Variants in ANKS6 observed in about 807,000 individuals in gnomAD.
The protein encoded by ANKS6 is ankyrin repeat and SAM domain-containing protein 6.
ANKS6 carries 47 observed loss-of-function variants against 77.9 expected under a neutral mutation model. The observed-to-expected ratio is 0.60, with a 90% CI of 0.48 to 0.77. ANKS6 has a LOEUF of 0.77. Ranked by LOEUF, ANKS6 falls within the 30% of genes least tolerant of loss-of-function variation. ANKS6 has a pLI of 0.00. For synonymous variants in ANKS6, 488 were observed against 501.7 expected, an observed-to-expected ratio of 0.97 and a Z score of 0.37; for missense variants, 1,150 against 1,159.1, an observed-to-expected ratio of 0.99 and a Z score of 0.11.
chr9:98,759,971 G>A (rs954765019), intron 11 of ANKS6, among the ~76,000 whole-genome samples: 2 of 152,098 alleles, frequency 1.3e-5, no homozygotes, highest in Non-Finnish European at 2.9e-5. Context: ...AAGCTAGAAG[G>A]AGGATATTGA....
At chr9:98,775,151 G>A (rs1052893165) in intron 8 of ANKS6, among the ~76,000 whole-genome samples, 46 of 152,252 alleles carry the variant, frequency 3.0e-4, no homozygotes, top group African/African-American at 1.0e-3. Context: ...GAAACTCACA[G>A]CGACAAATCC....
rs766629269 is a variant in ANKS6 at position 98,784,047 on chromosome 9, C to G, written c.1018G>C (p.Ala340Pro). ...CTCTCCACCAGCAGCTGCACCAGAG[C>G]CAGCTGCCCCGTAACAGCTGCTAGC... ...LMLAAVTGQL[A>P]LVQLLVERHA... Residue 340 changes from alanine to proline, a missense_variant, in exon 4 of 15, where the codon GCT becomes CCT. Ala to Pro is a conservative substitution (Grantham distance 27). Transcript: ENST00000353234. 6.2e-7 allele frequency: 1 copy of G among 1,611,346 alleles called. No individual in the cohort carries two copies. The highest frequency in any genetic ancestry group is 8.5e-7 in the Non-Finnish European group (1 of 1,179,058).
At chr9:98,765,740 T>C (rs562589284) in intron 11 of ANKS6, among the ~76,000 whole-genome samples, 2 of 152,348 alleles carry the variant, frequency 1.3e-5, no homozygotes, top group Admixed American at 6.5e-5. Flanking sequence ...ACGCCACCTA[T>C]GCTGTGTCTC....
chr9:98,766,837 G>A (rs1270204326), intron 11 of ANKS6, among the ~76,000 whole-genome samples: 2 of 152,226 alleles, frequency 1.3e-5, no homozygotes, highest in African/African-American at 4.8e-5. Flanking sequence ...GGTGGGCAAA[G>A]GTCCATGGAT....
Position 98,796,195 on chromosome 9 carries a change from G to T in ANKS6, c.297C>A (p.Arg99=). 7.0e-7 allele frequency: 1 copy of T among 1,418,974 alleles called. No individual in the cohort carries two copies. Among genetic ancestry groups the T allele is most frequent in the Non-Finnish European group, 9.2e-7 (1 of 1,086,066 alleles). The allele number at this position is 1,418,974 out of a possible 1,614,324, so 87.9% of individuals were successfully genotyped here. ...TGCGGCTGTTGACCGAGGCACCGCG[G>T]CGCAGCAGGAAGCGCACCAGCGGTT... ...GHEPLVRFLL[R]RGASVNSRNH... is the part of the protein sequence containing the mutation. Residue 99 remains arginine (R), a synonymous_variant, in exon 1 of 15, where the codon CGC becomes CGA. Transcript: ENST00000353234.
chr9:98,777,366 C>T (rs762318573), intron 8 of ANKS6, 39 bp downstream of exon 8: 10 of 1,601,230 alleles, frequency 6.2e-6, no homozygotes, highest in African/African-American at 1.3e-5. Context: ...TGATGATTGC[C>T]GGAGACCTAA....
intron 1 of ANKS6, 68 bp downstream of exon 1, chr9:98,796,065 G>A: frequency 1.6e-6 from 2 of 1,253,742 alleles, no homozygotes; most frequent in South Asian, 5.7e-5. Context: ...TCCGGCCGCC[G>A]GGGACCGCGT....
intron 2 of ANKS6, among the ~76,000 whole-genome samples, chr9:98,785,729 GTGACTCTGGGC>G (rs976330733): frequency 5.3e-5 from 8 of 152,158 alleles, no homozygotes; most frequent in African/African-American, 1.9e-4. Flanking sequence ...GAGGGCACTT[GTGACTCTGGGC>G]TGACTCTGGT....
chr9:98,732,914 C>G lies in ANKS6; in HGVS notation c.*3605G>C, dbSNP rs149684772. Reference sequence around the variant, plus strand: ...ACATTACGTGCTGCCTTTGCACATGCCCCAGCTGGAATGCCCTTTTTCTTT... The same window carrying G: ...ACATTACGTGCTGCCTTTGCACATGGCCCAGCTGGAATGCCCTTTTTCTTT... On this transcript the variant is annotated 3_prime_UTR_variant, in exon 15 of 15. Transcript: ENST00000353234. 9.4e-3 allele frequency: 10,069 copies of G among 1,074,138 alleles called. 55 individuals are homozygous for G. The highest frequency in any genetic ancestry group is 0.01 in the Non-Finnish European group (9,239 of 884,942). 66.5% of individuals were successfully genotyped at this position (1,074,138 alleles called of 1,614,324 possible). A position where few individuals can be genotyped will look rare whatever the true frequency, so the allele number is the denominator to read the frequency against.
rs1355373583 is a variant in ANKS6, at chr9:98,796,174, G to A, written c.318C>T (p.Ser106=). ...FLLRRGASVN[S]RNHYGWSALM... is the part of the protein sequence containing the mutation. ...GCGCGCTCCAGCCGTAGTGGTTGCG[G>A]CTGTTGACCGAGGCACCGCGGCGCA... Residue 106 remains serine (S), a synonymous_variant, in exon 1 of 15, where the codon AGC becomes AGT. Transcript: ENST00000353234. 7.1e-7 allele frequency: 1 copy of A among 1,415,248 alleles called. No homozygotes were observed. The highest frequency in any genetic ancestry group is 2.8e-5 in the Admixed American group (1 of 36,010). The allele number at this position is 1,415,248 out of a possible 1,614,324, so 87.7% of individuals were successfully genotyped here.
chr9:98,785,244 A>T (rs1476382814), intron 2 of ANKS6, among the ~76,000 whole-genome samples: 3 of 152,128 alleles, frequency 2.0e-5, no homozygotes, highest in Non-Finnish European at 2.9e-5. Context: ...TTGTTTAAAA[A>T]TTTTTTTTCT....
intron 10 of ANKS6, 52 bp from the exon 11 acceptor site, chr9:98,768,302 A>C: frequency 6.3e-7 from 1 of 1,594,286 alleles, no homozygotes; most frequent in Non-Finnish European, 8.6e-7. Flanking sequence ...GCTTACTCCA[A>C]CACAAGGGTG....
chr9:98,732,406 A>G lies in ANKS6; in HGVS notation c.*4113T>C. The G allele has an allele frequency of 7.6e-7, 1 of 1,322,794 alleles. No individual in the cohort carries two copies. 81.9% of individuals were successfully genotyped at this position (1,322,794 alleles called of 1,614,324 possible). ...GTCTGCCATGCCAGGAAATCCAGTGACAGCAAGACCCAGAGTCAGGCACAT... is the reference window on the plus strand; with the variant it reads ...GTCTGCCATGCCAGGAAATCCAGTGGCAGCAAGACCCAGAGTCAGGCACAT... On this transcript the variant is annotated 3_prime_UTR_variant, in exon 15 of 15. Transcript: ENST00000353234.
intron 6 of ANKS6, among the ~76,000 whole-genome samples, chr9:98,778,879 G>T (rs1367124766): frequency 6.6e-6 from 1 of 152,192 alleles, no homozygotes; most frequent in Non-Finnish European, 1.5e-5. Context: ...CTCTATACCA[G>T]GGCCTGGGCC....
At position 98,770,962 on chromosome 9, in the gene ANKS6, G is replaced by A. The variant is rs1156540009; in HGVS notation, c.1906C>T (p.His636Tyr). ...ANSGNFNHSP[H>Y]SSGGSSGVGV... is the part of the protein sequence containing the mutation. Reference sequence around the variant, plus strand: ...ACCCCACTGGAGCCGCCCGATGAATGAGGCGAGTGGTTGAAGTTTCCAGAA... The same window carrying A: ...ACCCCACTGGAGCCGCCCGATGAATAAGGCGAGTGGTTGAAGTTTCCAGAA... The change falls in exon 10 of 15, where the codon CAT (histidine) becomes TAT (tyrosine). Residue 636 changes from histidine to tyrosine, a missense_variant. Physicochemically the swap from His to Tyr is moderately conservative, Grantham distance 83 (BLOSUM62 2). Coordinates refer to ENST00000353234, the MANE Select transcript of ANKS6 (RefSeq NM_173551.5). 1.3e-6 allele frequency: 2 copies of A among 1,597,266 alleles called. No individual in the cohort carries two copies. The highest frequency in any genetic ancestry group is 1.7e-6 in the Non-Finnish European group (2 of 1,171,726).
In ANKS6 at chr9:98,733,025, T is replaced by C. The variant is rs1381899671; in HGVS notation, c.*3494A>G. 2 of 880,564 alleles carry C rather than the reference T, an allele frequency of 2.3e-6. No individual in the cohort carries two copies. The highest frequency in any genetic ancestry group is 2.8e-6 in the Non-Finnish European group (2 of 726,716). The allele number at this position is 880,564 out of a possible 1,614,324, so 54.5% of individuals were successfully genotyped here. A position where few individuals can be genotyped will look rare whatever the true frequency, so the allele number is the denominator to read the frequency against. On this transcript the variant is annotated 3_prime_UTR_variant, in exon 15 of 15. Transcript: ENST00000353234. ...CTGAGCCTGAGCCATCATCGATGAC[T>C]TTCCCTGAGCTGTATACCCAGCAGG... is the stretch of plus-strand genomic sequence containing the variant.
intron 10 of ANKS6, among the ~76,000 whole-genome samples, chr9:98,770,142 C>T (rs1588378225): frequency 2.0e-5 from 3 of 152,288 alleles, no homozygotes; most frequent in East Asian, 3.9e-4. Context: ...CTCTCCTGTG[C>T]TGTTCCCATG....
At chr9:98,773,834 G>A (rs766589982) in intron 9 of ANKS6, 43 bp downstream of exon 9, 2 of 1,449,208 alleles carry the variant, frequency 1.4e-6, no homozygotes, top group South Asian at 2.9e-5. Flanking sequence ...TGATCTCAGT[G>A]AGCAGTGAGT....
At chr9:98,747,150 C>T (rs1832178428) in intron 13 of ANKS6, among the ~76,000 whole-genome samples, 1 of 152,240 alleles carries the variant, frequency 6.6e-6, no homozygotes, top group Non-Finnish European at 1.5e-5. Flanking sequence ...GATACTATTA[C>T]ACTTTAGAGA....
Sources: allele counts gnomAD v4.1 joint callset (sites outside exome capture counted in the v4.1 genomes callset), GRCh38; gene constraint gnomAD v4.1.1; transcripts MANE v1.5; gene names NCBI Gene and HGNC (gene_info 2026-07-23, HGNC 2026-07-21).